AKR1C8: variants seen among roughly 807,000 people sequenced by gnomAD.
The protein encoded by AKR1C8 is aldo-keto reductase family 1 member C-like protein 1.
the AKR1C8 span, among the ~76,000 whole-genome samples, chr10:5,175,218 G>C: frequency 6.8e-6 from 1 of 147,528 alleles, no homozygotes; most frequent in African/African-American, 2.5e-5. Flanking sequence ...GACTGAGAAT[G>C]TGCGATGTTT....
At chr10:5,135,360 G>C in the AKR1C8 span, 1 of 153,434 alleles carries the variant, frequency 6.5e-6, no homozygotes, top group Non-Finnish European at 1.5e-5. Context: ...TGTCATGTAG[G>C]AAGAGGCAAG....
the AKR1C8 span, among the ~76,000 whole-genome samples, chr10:5,171,161 A>G: frequency 6.6e-6 from 1 of 152,114 alleles, no homozygotes; most frequent in African/African-American, 2.4e-5. Context: ...TTGATGTTAC[A>G]ATCTCCAAAG....
chr10:5,182,560 G>A, the AKR1C8 span, among the ~76,000 whole-genome samples: 1 of 152,118 alleles, frequency 6.6e-6, no homozygotes, highest in South Asian at 2.1e-4. Context: ...ATTATTATCT[G>A]AGGTTACTTA....
the AKR1C8 span, among the ~76,000 whole-genome samples, chr10:5,129,562 G>T: frequency 7.9e-4 from 120 of 152,052 alleles, no homozygotes; most frequent in Admixed American, 5.0e-3. Context: ...ATCCAAGTAA[G>T]CTCAATTAGA....
chr10:5,178,401 C>T, the AKR1C8 span, among the ~76,000 whole-genome samples: 131 of 152,090 alleles, frequency 8.6e-4, no homozygotes, highest in African/African-American at 9.9e-4. Flanking sequence ...TGCTTCCAAC[C>T]ATGTGGTCAA....
chr10:5,152,477 C>T, the AKR1C8 span, among the ~76,000 whole-genome samples: 4 of 152,170 alleles, frequency 2.6e-5, no homozygotes, highest in African/African-American at 7.2e-5. Context: ...TTTACTGGAA[C>T]ACCAGGATCA....
chr10:5,178,456 G>C, the AKR1C8 span, among the ~76,000 whole-genome samples: 1 of 152,184 alleles, frequency 6.6e-6, no homozygotes, highest in African/African-American at 2.4e-5. Flanking sequence ...TGTATATTCT[G>C]TTGATTTTGG....
At chr10:5,167,727 T>C in the AKR1C8 span, among the ~76,000 whole-genome samples, 1 of 152,048 alleles carries the variant, frequency 6.6e-6, no homozygotes, top group Non-Finnish European at 1.5e-5. Flanking sequence ...CATGTATACA[T>C]ATGTAAGTAA....
At chr10:5,179,773 T>C in the AKR1C8 span, among the ~76,000 whole-genome samples, 1 of 152,236 alleles carries the variant, frequency 6.6e-6, no homozygotes, top group Non-Finnish European at 1.5e-5. Context: ...CATCAGCTCC[T>C]GAGGCTTCTG....
At chr10:5,165,095 C>A in the AKR1C8 span, among the ~76,000 whole-genome samples, 122 of 152,190 alleles carry the variant, frequency 8.0e-4, 2 homozygotes, top group South Asian at 0.024. Context: ...AAATTTTCAC[C>A]TAATAAGGGC....
At chr10:5,144,191 C>T in the AKR1C8 span, among the ~76,000 whole-genome samples, 3 of 152,064 alleles carry the variant, frequency 2.0e-5, no homozygotes, top group South Asian at 2.1e-4. Flanking sequence ...TGTAGATATG[C>T]GGTGTTACTT....
the AKR1C8 span, chr10:5,158,684 T>C: frequency 1.6e-5 from 8 of 491,474 alleles, no homozygotes; most frequent in African/African-American, 3.9e-5. Context: ...GAGTTTGCTC[T>C]GGTTGAGGTA....
the AKR1C8 span, among the ~76,000 whole-genome samples, chr10:5,164,066 G>C: frequency 8.5e-5 from 13 of 152,092 alleles, no homozygotes; most frequent in African/African-American, 2.7e-4. Flanking sequence ...TGTGAGCTGA[G>C]CCTCTAAGAA....
the AKR1C8 span, chr10:5,122,038 T>G: frequency 3.9e-6 from 1 of 258,518 alleles, no homozygotes; most frequent in Non-Finnish European, 8.0e-6. Flanking sequence ...CCTCTGTTTT[T>G]GTGCATCCTG....
At chr10:5,168,186 A>T in the AKR1C8 span, among the ~76,000 whole-genome samples, 8 of 152,052 alleles carry the variant, frequency 5.3e-5, no homozygotes, top group Admixed American at 2.6e-4. Flanking sequence ...TCCTATGTGC[A>T]AGCTTCTTTG....
the AKR1C8 span, among the ~76,000 whole-genome samples, chr10:5,158,381 G>T: frequency 6.6e-6 from 1 of 152,308 alleles, no homozygotes; most frequent in East Asian, 1.9e-4. Flanking sequence ...TTTTAGGAGT[G>T]GGGTTGGGAG....
chr10:5,133,793 T>C, the AKR1C8 span, among the ~76,000 whole-genome samples: 2 of 152,180 alleles, frequency 1.3e-5, no homozygotes, highest in Admixed American at 6.5e-5. Context: ...GGTGGCAGTC[T>C]GTTGTGTTCA....
At chr10:5,139,340 C>T in the AKR1C8 span, among the ~76,000 whole-genome samples, 1 of 152,128 alleles carries the variant, frequency 6.6e-6, no homozygotes, top group African/African-American at 2.4e-5. Context: ...CCTGCATTGC[C>T]AAGACAATCC....
the AKR1C8 span, among the ~76,000 whole-genome samples, chr10:5,177,677 G>C: frequency 6.6e-6 from 1 of 152,176 alleles, no homozygotes; most frequent in African/African-American, 2.4e-5. Context: ...GGTCTATTCA[G>C]AGATTCAACT....
Sources: allele counts gnomAD v4.1 joint callset (sites outside exome capture counted in the v4.1 genomes callset), GRCh38; gene constraint gnomAD v4.1.1; transcripts MANE v1.5; gene names NCBI Gene and HGNC (gene_info 2026-07-23, HGNC 2026-07-21).